The following ITPR1 variants were observed in gnomAD, a reference collection of about 807,000 sequenced individuals.
ITPR1 encodes inositol 1,4,5-trisphosphate-gated calcium channel ITPR1.
ITPR1 carries 96 observed loss-of-function variants against 318.4 expected under a neutral mutation model. That is an observed-to-expected ratio of 0.30 (90% confidence interval 0.26 to 0.36). The LOEUF (loss-of-function observed/expected upper bound fraction) is 0.36, where lower values mean the gene tolerates loss of function less well. Ranked by LOEUF, ITPR1 falls within the 10% of genes least tolerant of loss-of-function variation. ITPR1 has a pLI of 1.00. For missense variants in ITPR1, 2,440 were observed against 3,460.2 expected, an observed-to-expected ratio of 0.71 and a Z score of 7.40; for synonymous variants, 1,312 against 1,289.9, an observed-to-expected ratio of 1.02 and a Z score of -0.37.
chr3:4,695,716 G>C (rs2094547180), intron 33 of ITPR1, among the ~76,000 whole-genome samples: 1 of 152,180 alleles, frequency 6.6e-6, no homozygotes, highest in South Asian at 2.1e-4. Context: ...GTTCTGTGTT[G>C]TTAAGGTTGA....
chr3:4,824,152 C>T (rs919086838), intron 60 of ITPR1, among the ~76,000 whole-genome samples: 2 of 152,124 alleles, frequency 1.3e-5, no homozygotes, highest in Non-Finnish European at 1.5e-5. Context: ...CCCATGGTAG[C>T]TAGAGTGTTC....
intron 60 of ITPR1, among the ~76,000 whole-genome samples, chr3:4,834,978 G>C (rs1486067786): frequency 6.6e-6 from 1 of 152,112 alleles, no homozygotes; most frequent in South Asian, 2.1e-4. Context: ...TTATTAGGGT[G>C]CATGCAGAAG....
At chr3:4,693,082 G>A (rs1043916986) in intron 32 of ITPR1, among the ~76,000 whole-genome samples, 4 of 152,084 alleles carry the variant, frequency 2.6e-5, no homozygotes, top group Non-Finnish European at 4.4e-5. Flanking sequence ...CGAGATCACG[G>A]CATTGCACTC....
At chr3:4,815,275 T>C (rs1317735384) in intron 59 of ITPR1, 57 bp downstream of exon 59, 21 of 1,557,844 alleles carry the variant, frequency 1.3e-5, no homozygotes, top group Non-Finnish European at 1.8e-5. Flanking sequence ...GGCAGAGGCA[T>C]GTGGATACTG....
chr3:4,831,161 C>CCTCT (rs1285970775), intron 60 of ITPR1: 7 of 88,494 alleles, frequency 7.9e-5, no homozygotes, highest in African/African-American at 2.3e-4. Context: ...ACACTCACTC[C>CCTCT]CTCTCTCTGT....
Position 4,725,528 on chromosome 3 carries a change from C to G in ITPR1, c.5137-18C>G, listed in dbSNP as rs1313678010. The G allele has an allele frequency of 1.3e-6, 2 of 1,597,170 alleles. No individual in the cohort carries two copies. The highest frequency in any genetic ancestry group is 1.7e-6 in the Non-Finnish European group (2 of 1,177,822). On this transcript the variant is annotated intron_variant, in intron 40 of 61. Transcript: ENST00000649015. ...TGCAAGTGCCATGACTAACGTACTT[C>G]GTTTTACTCCCAATTAGCTTCCTCC...
chr3:4,725,593 G>T lies in ITPR1; in HGVS notation c.5172+12G>T, dbSNP rs542749472. On this transcript the variant is annotated intron_variant, in intron 41 of 61. Transcript: ENST00000649015. Reference sequence around the variant, plus strand: ...AGAACGCCACTGAGGTGTGTTGCCCGCCTATATTTGTAGCGCCAGCGCCAG... The same window carrying T: ...AGAACGCCACTGAGGTGTGTTGCCCTCCTATATTTGTAGCGCCAGCGCCAG... 1.9e-6 allele frequency: 3 copies of T among 1,597,590 alleles called. No individual in the cohort carries two copies. The highest frequency in any genetic ancestry group is 3.3e-5 in the Admixed American group (2 of 59,994).
At chr3:4,811,859 C>T (rs992194557) in intron 56 of ITPR1, among the ~76,000 whole-genome samples, 4 of 152,142 alleles carry the variant, frequency 2.6e-5, no homozygotes, top group South Asian at 2.1e-4. Context: ...GGAGAACGTT[C>T]GCTGCAGTGT....
intron 52 of ITPR1, among the ~76,000 whole-genome samples, chr3:4,789,415 G>A (rs1327498607): frequency 2.0e-5 from 3 of 152,158 alleles, no homozygotes; most frequent in Non-Finnish European, 4.4e-5. Flanking sequence ...CTTTTGCAGA[G>A]CACCATGCTT....
Position 4,670,931 on chromosome 3 carries a change from G to C in ITPR1, c.2204+5G>C. ...AGACGTTCTCAGCTACTACAGGTGCGTGGGACACGTGTGGGGCTCAGATTG... is the reference window on the plus strand; with the variant it reads ...AGACGTTCTCAGCTACTACAGGTGCCTGGGACACGTGTGGGGCTCAGATTG... On this transcript the variant is annotated splice_donor_5th_base_variant and intron_variant, in intron 20 of 61. Transcript: ENST00000649015. 2 of 1,545,346 alleles carry C rather than the reference G, an allele frequency of 1.3e-6. No homozygotes were observed. The highest frequency in any genetic ancestry group is 1.7e-6 in the Non-Finnish European group (2 of 1,145,050).
chr3:4,676,698 C>T lies in ITPR1; in HGVS notation c.2864C>T (p.Thr955Ile), dbSNP rs2094192011. ...VLRGGGFLPM[T>I]PMAAAPEGNV... ...CGGGGAGGAGGCTTTTTGCCCATGACTCCCATGGCTGCTGCCCCTGAAGGC... is the reference window on the plus strand; with the variant it reads ...CGGGGAGGAGGCTTTTTGCCCATGATTCCCATGGCTGCTGCCCCTGAAGGC... The change falls in exon 24 of 62, where the codon ACT (threonine) becomes ATT (isoleucine). Residue 955 changes from threonine to isoleucine, a missense_variant. This residue lies in a region of ITPR1 where 478 missense variants were observed against 696.3 expected (regional missense o/e 0.69). Coordinates refer to ENST00000649015, the MANE Select transcript of ITPR1 (RefSeq NM_001378452.1). The T allele has an allele frequency of 1.2e-6, 2 of 1,613,596 alleles. No homozygotes were observed. Among genetic ancestry groups the T allele is most frequent in the Admixed American group, 1.7e-5 (1 of 59,984 alleles).
chr3:4,728,596 C>G (rs746690994), intron 42 of ITPR1, among the ~76,000 whole-genome samples: 19 of 152,154 alleles, frequency 1.2e-4, no homozygotes, highest in Non-Finnish European at 2.6e-4. Flanking sequence ...TGCAAACAAT[C>G]CAATTACACT....
In ITPR1 at chr3:4,645,646, A is replaced by T; in HGVS notation, c.773A>T (p.Lys258Met). 6.2e-7 allele frequency: 1 copy of T among 1,613,560 alleles called. No homozygotes were observed. The highest frequency in any genetic ancestry group is 8.5e-7 in the Non-Finnish European group (1 of 1,179,740). ...TTTCTCACCTGTGACGAACACAGGA[A>T]GAAGCAGCACGTCTTCCTGAGAACC... Reference protein sequence around the residue: ...EKFLTCDEHRKKQHVFLRTTG... With the variant: ...EKFLTCDEHRMKQHVFLRTTG... Residue 258 changes from lysine to methionine, a missense_variant, in exon 10 of 62, where the codon AAG (lysine) becomes ATG (methionine). By Grantham distance (95) the Lys-to-Met change is moderately conservative. This residue lies in a region of ITPR1 where 186 missense variants were observed against 323.9 expected (regional missense o/e 0.57). Coordinates refer to ENST00000649015, the MANE Select transcript of ITPR1 (RefSeq NM_001378452.1).
intron 4 of ITPR1, among the ~76,000 whole-genome samples, chr3:4,554,428 G>T (rs1290521235): frequency 6.6e-6 from 1 of 152,206 alleles, no homozygotes; most frequent in African/African-American, 2.4e-5. Context: ...TATTGGCCTA[G>T]TTAGTAAATG....
rs1255917560 is a variant in ITPR1, at chr3:4,699,692, TATTGGCCAGCAGG to T, written c.4408-120_4408-108del. The T allele has an allele frequency of 1.2e-5, 10 of 833,798 alleles. No individual in the cohort carries two copies. In the African/African-American group the frequency reaches 1.7e-4, roughly 14 times the overall value. 51.6% of individuals were successfully genotyped at this position (833,798 alleles called of 1,614,324 possible). On this transcript the variant is annotated intron_variant, in intron 34 of 61. Transcript: ENST00000649015. ...TATTATGATTCCTTAAGGGGAGAAA[TATTGGCCAGCAGG>T]CCTTTACCTTTCATTTGTTAAAAGT...
intron 4 of ITPR1, among the ~76,000 whole-genome samples, chr3:4,534,419 G>A (rs947023754): frequency 2.6e-5 from 4 of 152,176 alleles, no homozygotes; most frequent in African/African-American, 9.7e-5. Context: ...CTTACAGGAG[G>A]CAAAAATTGT....
intron 51 of ITPR1, among the ~76,000 whole-genome samples, chr3:4,787,552 G>T (rs1161498232): frequency 1.3e-5 from 1 of 76,380 alleles, no homozygotes; most frequent in Non-Finnish European, 2.9e-5. Flanking sequence ...AAAAAAAAAA[G>T]CCAGGCGTGA....
chr3:4,834,669 G>A (rs1005907440), intron 60 of ITPR1, among the ~76,000 whole-genome samples: 42 of 152,320 alleles, frequency 2.8e-4, no homozygotes, highest in African/African-American at 8.9e-4. Context: ...AGATGTGGCT[G>A]TGTCTGAAGG....
At chr3:4,544,121 G>A (rs1465945063) in intron 4 of ITPR1, among the ~76,000 whole-genome samples, 1 of 152,106 alleles carries the variant, frequency 6.6e-6, no homozygotes, top group Admixed American at 6.5e-5. Flanking sequence ...TCAAAATTGG[G>A]TTTAATGCTT....
Sources: allele counts gnomAD v4.1 joint callset (sites outside exome capture counted in the v4.1 genomes callset), GRCh38; gene constraint gnomAD v4.1.1; regional missense constraint gnomAD v4.1.1; transcripts MANE v1.5; gene names NCBI Gene and HGNC (gene_info 2026-07-23, HGNC 2026-07-21).